INPP4B: variants seen among roughly 807,000 people sequenced by gnomAD.
INPP4B encodes the protein inositol polyphosphate 4-phosphatase type II.
Under a neutral mutation model 122.5 loss-of-function variants are expected in INPP4B, and 55 were observed. The ratio of observed to expected loss-of-function variants is 0.45; its 90% CI spans 0.36 to 0.56. The LOEUF is 0.56. Ranked by LOEUF, INPP4B falls within the 20% of genes least tolerant of loss-of-function variation. The pLI is 0.00. For synonymous variants in INPP4B, 403 were observed against 388.7 expected, an observed-to-expected ratio of 1.04 and a Z score of -0.43; for missense variants, 1,000 against 1,097.7, an observed-to-expected ratio of 0.91 and a Z score of 1.26.
chr4:142,721,169 T>C (rs576711151), intron 2 of INPP4B, among the ~76,000 whole-genome samples: 8 of 152,058 alleles, frequency 5.3e-5, no homozygotes, highest in Non-Finnish European at 1.0e-4. Context: ...CTTTAGTCTT[T>C]TACTGGGAAT....
At chr4:142,556,939 T>C (rs1384107285) in intron 2 of INPP4B, among the ~76,000 whole-genome samples, 7 of 152,196 alleles carry the variant, frequency 4.6e-5, no homozygotes, top group Non-Finnish European at 8.8e-5. Flanking sequence ...AGGCTTTATC[T>C]TCTCTTTATT....
chr4:142,792,124 G>C (rs192534938), intron 1 of INPP4B, among the ~76,000 whole-genome samples: 1 of 151,952 alleles, frequency 6.6e-6, no homozygotes, highest in African/African-American at 2.4e-5. Flanking sequence ...GTGGTCCTGT[G>C]CCTGTAGTCC....
At chr4:142,534,851 C>G (rs1288868135) in intron 2 of INPP4B, among the ~76,000 whole-genome samples, 1 of 151,848 alleles carries the variant, frequency 6.6e-6, no homozygotes, top group Non-Finnish European at 1.5e-5. Context: ...AGAAGAAAAT[C>G]TGCATGTATT....
chr4:142,146,310 A>T (rs1253257243), intron 17 of INPP4B, among the ~76,000 whole-genome samples: 1 of 152,180 alleles, frequency 6.6e-6, no homozygotes, highest in African/African-American at 2.4e-5. Flanking sequence ...GAAGGCATCT[A>T]TTCTCTTTAT....
intron 7 of INPP4B, among the ~76,000 whole-genome samples, chr4:142,387,725 GA>G (rs1254360003): frequency 1.3e-5 from 2 of 152,132 alleles, no homozygotes; most frequent in Admixed American, 6.5e-5. Flanking sequence ...TGATTAATGG[GA>G]AAAAGGATTC....
At chr4:142,493,651 T>A (rs976301815) in intron 2 of INPP4B, among the ~76,000 whole-genome samples, 3 of 152,208 alleles carry the variant, frequency 2.0e-5, no homozygotes, top group Non-Finnish European at 4.4e-5. Flanking sequence ...GAAAGGTCTG[T>A]ATTTACTCAA....
chr4:142,642,013 A>G (rs1750591583), intron 2 of INPP4B, among the ~76,000 whole-genome samples: 1 of 152,130 alleles, frequency 6.6e-6, no homozygotes, highest in Admixed American at 6.6e-5. Flanking sequence ...TTCTCTGATG[A>G]CCAGTGATGA....
At chr4:142,152,842 C>T (rs1814999749) in intron 17 of INPP4B, among the ~76,000 whole-genome samples, 1 of 152,190 alleles carries the variant, frequency 6.6e-6, no homozygotes, top group Admixed American at 6.5e-5. Flanking sequence ...GAGTGCTAGT[C>T]ATCTTACTTA....
In INPP4B at chr4:142,481,042, G is replaced by A. The variant is rs183515349; in HGVS notation, c.-190-18316C>T. 2.1e-3 allele frequency among the ~76,000 whole-genome samples: 322 copies of A among 150,814 alleles called. 1 individual carries two copies. The highest frequency in any genetic ancestry group is 7.3e-3 in the African/African-American group (300 of 40,978). On this transcript the variant is annotated intron_variant, in intron 2 of 25. Transcript: ENST00000262992. ...CCCAGCTACTCGGGAGGCTGAGGCA[G>A]GAGAATCACTTGAACTCTGGAGGCA...
chr4:142,242,002 T>C (rs1459852880), intron 11 of INPP4B, among the ~76,000 whole-genome samples: 3 of 152,202 alleles, frequency 2.0e-5, no homozygotes, highest in Non-Finnish European at 4.4e-5. Flanking sequence ...CTGCAGATTC[T>C]TGTAGAGAAT....
chr4:142,401,009 T>C (rs532525864), intron 7 of INPP4B, among the ~76,000 whole-genome samples: 16 of 152,288 alleles, frequency 1.1e-4, no homozygotes, highest in South Asian at 2.1e-4. Context: ...TAGCACAGTG[T>C]TCCTATAACT....
At chr4:142,826,788 C>T (rs1438745750) in intron 1 of INPP4B, among the ~76,000 whole-genome samples, 1 of 152,128 alleles carries the variant, frequency 6.6e-6, no homozygotes, top group Non-Finnish European at 1.5e-5. Flanking sequence ...TTCTAACATA[C>T]AGAAAGAGTG....
chr4:142,056,315 T>C (rs1757686704), intron 25 of INPP4B, among the ~76,000 whole-genome samples: 1 of 152,130 alleles, frequency 6.6e-6, no homozygotes, highest in Non-Finnish European at 1.5e-5. Flanking sequence ...AAATATTTTC[T>C]TTTATGTGAG....
At chr4:142,668,317 C>A (rs1408166620) in intron 2 of INPP4B, among the ~76,000 whole-genome samples, 1 of 151,982 alleles carries the variant, frequency 6.6e-6, no homozygotes, top group Non-Finnish European at 1.5e-5. Context: ...TCCTTTTATG[C>A]AAACAAACAA....
intron 11 of INPP4B, among the ~76,000 whole-genome samples, chr4:142,248,299 CCTCT>C (rs1157459124): frequency 6.6e-6 from 1 of 151,470 alleles, no homozygotes; most frequent in African/African-American, 2.4e-5. Flanking sequence ...CCCTCCTTTC[CCTCT>C]CTCTGTCTCT....
chr4:142,484,002 T>C (rs564884828), intron 2 of INPP4B, among the ~76,000 whole-genome samples: 1 of 152,170 alleles, frequency 6.6e-6, no homozygotes, highest in South Asian at 2.1e-4. Flanking sequence ...AAACTTTTCC[T>C]GTCCTGGGAT....
intron 5 of INPP4B, among the ~76,000 whole-genome samples, chr4:142,426,197 A>G (rs1376981014): frequency 2.0e-5 from 3 of 152,030 alleles, no homozygotes; most frequent in African/African-American, 7.2e-5. Context: ...GAGGCGAATA[A>G]TTAACAGGAG....
chr4:142,513,750 G>A (rs1825055414), intron 2 of INPP4B, among the ~76,000 whole-genome samples: 1 of 152,132 alleles, frequency 6.6e-6, no homozygotes, highest in Non-Finnish European at 1.5e-5. Flanking sequence ...ATCCAGGAGG[G>A]CTTTGCCTTC....
In INPP4B at chr4:142,508,749, A is replaced by G. The variant is rs112980887; in HGVS notation, c.-190-46023T>C. Among the ~76,000 whole-genome samples, 1,087 of 152,280 alleles carry G rather than the reference A, an allele frequency of 7.1e-3. 15 individuals are homozygous for G. Among genetic ancestry groups the G allele is most frequent in the African/African-American group, 0.025 (1,029 of 41,554 alleles). ...AACCAGTGGTTCTCAACCAAGGCCA[A>G]TTTTGCCCCTTACAGGACATCTGGC... On this transcript the variant is annotated intron_variant, in intron 2 of 25. Coordinates refer to ENST00000262992, the MANE Select transcript of INPP4B (RefSeq NM_001101669.3).
Sources: gnomAD v4.1 joint callset for allele counts (sites outside exome capture counted in the v4.1 genomes callset) on GRCh38, gnomAD v4.1.1 for gene constraint, MANE v1.5 for transcripts, NCBI Gene and HGNC (gene_info 2026-07-23, HGNC 2026-07-21) for gene names.